ENO4: variants seen among roughly 807,000 people sequenced by gnomAD.
The protein encoded by ENO4 is enolase 4, also known as 2-phospho-D-glycerate hydro-lyase.
A neutral mutation model predicts 63.2 loss-of-function variants in ENO4; 53 were observed. The observed-to-expected ratio is 0.84, with a 90% CI of 0.67 to 1.05. ENO4 has a LOEUF of 1.05. ENO4 is among the 50% of genes least tolerant of loss of function. The probability of loss-of-function intolerance (pLI) is 0.00; values close to 1 mark genes in which losing one functional copy is unlikely to be tolerated. For synonymous variants in ENO4, 266 were observed against 283.8 expected (o/e 0.94, Z 0.63); for missense variants, 719 against 772.0 (o/e 0.93, Z 0.81).
intron 11 of ENO4, among the ~76,000 whole-genome samples, chr10:116,878,966 A>G (rs1846920050): frequency 6.6e-6 from 1 of 152,024 alleles, no homozygotes; most frequent in Non-Finnish European, 1.5e-5. Context: ...GATGGTCTCG[A>G]TCTCCTGACC....
downstream of ENO4, chr10:116,883,526 C>T (rs560907848): frequency 2.0e-5 from 3 of 152,158 alleles, no homozygotes; most frequent in Admixed American, 1.3e-4. Flanking sequence ...TGTTCCACAA[C>T]GAGTGTAACT....
intron 10 of ENO4, among the ~76,000 whole-genome samples, chr10:116,889,030 A>C (rs555232072): frequency 1.8e-4 from 27 of 152,364 alleles, no homozygotes; most frequent in African/African-American, 6.5e-4. Context: ...AACTGCTTTC[A>C]GCATGCAAAG....
intron 4 of ENO4, 54 bp from the exon 5 acceptor site, chr10:116,860,740 C>A: frequency 1.6e-6 from 2 of 1,219,002 alleles, no homozygotes; most frequent in Non-Finnish European, 2.1e-6. Context: ...GTCTTTCCAT[C>A]TGTAAGTAAA....
intron 10 of ENO4, among the ~76,000 whole-genome samples, chr10:116,889,634 G>C (rs865820924): frequency 6.6e-6 from 1 of 152,202 alleles, no homozygotes; most frequent in African/African-American, 2.4e-5. Context: ...ATCAGTGGCA[G>C]AGTCAGAACA....
chr10:116,853,313 A>AT (rs1564842907), intron 1 of ENO4, among the ~76,000 whole-genome samples: 1 of 151,626 alleles, frequency 6.6e-6, no homozygotes, highest in African/African-American at 2.4e-5. Context: ...AAAAAAAAAA[A>AT]ACCAAAGCAG....
chr10:116,876,057 T>G lies in ENO4; in HGVS notation c.1342-8T>G, dbSNP rs1247050547. On this transcript the variant is annotated splice_polypyrimidine_tract_variant and splice_region_variant and intron_variant, in intron 10 of 13. Coordinates refer to ENST00000341276, the MANE Select transcript of ENO4 (RefSeq NM_001242699.2). The stretch of plus-strand genomic sequence containing the variant: ...ATTATAATGATCAACTCTTAAATAT[T>G]TACCCAGGACTCTGAACAGTGGGAC... The G allele has an allele frequency of 1.8e-5, 27 of 1,513,740 alleles. No homozygotes were observed. The highest frequency in any genetic ancestry group is 6.9e-5 in the Admixed American group (3 of 43,266). The allele number at this position is 1,513,740 out of a possible 1,614,324, so 93.8% of individuals were successfully genotyped here.
intron 3 of ENO4, 110 bp from the exon 4 acceptor site, chr10:116,858,880 A>G (rs1846338765): frequency 1.8e-6 from 1 of 556,156 alleles, no homozygotes; most frequent in Non-Finnish European, 3.0e-6. Context: ...TAAGTAGCTG[A>G]AAAGCAGTTA....
At chr10:116,849,825 A>G in intron 1 of ENO4, 94 bp downstream of exon 1, 1 of 1,366,900 alleles carries the variant, frequency 7.3e-7, no homozygotes, top group Non-Finnish European at 9.9e-7. Flanking sequence ...GCGCCTCAGA[A>G]TCTCGCATGC....
rs534877743 is a variant in ENO4, at chr10:116,852,630, G to A, written c.165+2899G>A. ...TACAAACAGAGAGTTGATCAGTGCT[G>A]GCATATGGAAGCTTGTCCTCTTGGA... On this transcript the variant is annotated intron_variant, in intron 1 of 13. Coordinates refer to ENST00000341276, the MANE Select transcript of ENO4 (RefSeq NM_001242699.2). Among the ~76,000 whole-genome samples, 3 of 152,256 alleles carry A rather than the reference G, an allele frequency of 2.0e-5. No individual in the cohort carries two copies. In the South Asian group the frequency reaches 6.2e-4, roughly 32 times the overall value.
chr10:116,855,034 C>T (rs953415550), intron 1 of ENO4, among the ~76,000 whole-genome samples: 2 of 151,302 alleles, frequency 1.3e-5, no homozygotes, highest in Non-Finnish European at 2.9e-5. Flanking sequence ...CGCCTGCTAG[C>T]CTGTAATCCC....
chr10:116,871,124 GC>G lies in ENO4; in HGVS notation c.1048del (p.Gln350SerfsTer13). The G allele has an allele frequency of 6.5e-7, 1 of 1,549,872 alleles. No individual in the cohort carries two copies. The highest frequency in any genetic ancestry group is 8.7e-7 in the Non-Finnish European group (1 of 1,146,584). ...TGGATCATTGTCTCTTGATCTTGCA[GC>G]AGCAGATCACTGGCAAGATGTCTCA... ...KGHDGSKRGQ[Q>X]QITGKMSHLG... On this transcript the variant is annotated frameshift_variant and splice_region_variant, in exon 9 of 14. Transcript: ENST00000341276. LOFTEE classifies it high-confidence loss of function.
chr10:116,860,365 T>G (rs1161038503), intron 4 of ENO4, among the ~76,000 whole-genome samples: 1 of 152,168 alleles, frequency 6.6e-6, no homozygotes, highest in Non-Finnish European at 1.5e-5. Flanking sequence ...AAGTTAGATA[T>G]ATTCATGCAG....
chr10:116,898,098 T>A (rs1460638004), intron 10 of ENO4, among the ~76,000 whole-genome samples: 1 of 152,014 alleles, frequency 6.6e-6, no homozygotes, highest in Admixed American at 6.6e-5. Context: ...GAGGCTGAGG[T>A]GGGTGGATCA....
chr10:116,859,070 C>T lies in ENO4; in HGVS notation c.566C>T (p.Thr189Ile), dbSNP rs1473763648. ...AGCCTGGAATACTCAACAGTGCCTACACCTCTACCTCCAGTACCACCACCA... is the reference window on the plus strand; with the variant it reads ...AGCCTGGAATACTCAACAGTGCCTATACCTCTACCTCCAGTACCACCACCA... ...EKSLEYSTVP[T>I]PLPPVPPPPP... The change falls in exon 4 of 14, where the codon ACA becomes ATA. Residue 189 changes from threonine to isoleucine, a missense_variant. Thr to Ile is a moderately conservative substitution (Grantham distance 89). Coordinates refer to ENST00000341276, the MANE Select transcript of ENO4 (RefSeq NM_001242699.2). 4 of 1,535,350 alleles carry T rather than the reference C, an allele frequency of 2.6e-6. No homozygotes were observed. Among genetic ancestry groups the T allele is most frequent in the South Asian group, 2.4e-5 (2 of 84,010 alleles).
At chr10:116,856,842 A>T in intron 3 of ENO4, among the ~76,000 whole-genome samples, 160 bp downstream of exon 3, 1 of 152,164 alleles carries the variant, frequency 6.6e-6, no homozygotes, top group African/African-American at 2.4e-5. Context: ...ACAAAAAATT[A>T]GCCGGGCATG....
At position 116,871,238 on chromosome 10, in the gene ENO4, G is replaced by A. The variant is rs781348236; in HGVS notation, c.1161G>A (p.Leu387=). The change falls in exon 9 of 14, where the codon CTG becomes CTA. Residue 387 remains leucine (L), a synonymous_variant. Coordinates refer to ENST00000341276, the MANE Select transcript of ENO4 (RefSeq NM_001242699.2). ...QEICANLGLE[L]GTNLHLAINC... ...TCTGTGCCAACCTGGGGCTAGAACT[G>A]GGAACAAATCTGCATCTAGCTATCA... 1.4e-5 allele frequency: 21 copies of A among 1,550,308 alleles called. No individual in the cohort carries two copies. The highest frequency in any genetic ancestry group is 3.9e-5 in the Admixed American group (2 of 50,972).
At chr10:116,865,116 C>T (rs557286124) in intron 7 of ENO4, among the ~76,000 whole-genome samples, 33 of 144,098 alleles carry the variant, frequency 2.3e-4, no homozygotes, top group Non-Finnish European at 4.0e-4. Flanking sequence ...TACTTCTTTG[C>T]CCTTTTCACT....
Position 116,876,226 on chromosome 10 carries a change from G to A in ENO4, c.1503G>A (p.Met501Ile). 6.5e-7 allele frequency: 1 copy of A among 1,547,974 alleles called. No homozygotes were observed. Among genetic ancestry groups the A allele is most frequent in the African/African-American group, 1.4e-5 (1 of 72,992 alleles). ...TAAAACACACAAACCAAACTACAAT[G>A]TCTGACTTGGTGGAAATAACCAATC... is the stretch of plus-strand genomic sequence containing the variant. ...LIIKHTNQTT[M>I]SDLVEITNLI... The change falls in exon 11 of 14, where the codon ATG (methionine) becomes ATA (isoleucine). Residue 501 changes from methionine to isoleucine, a missense_variant. Around this residue, in one of 3 missense-constraint regions of ENO4, gnomAD observed 168 missense variants for 163.3 expected, o/e 1.03. Coordinates refer to ENST00000341276, the MANE Select transcript of ENO4 (RefSeq NM_001242699.2).
intron 10 of ENO4, among the ~76,000 whole-genome samples, chr10:116,896,702 C>T (rs1564863384): frequency 2.0e-5 from 3 of 152,012 alleles, no homozygotes; most frequent in South Asian, 2.1e-4. Flanking sequence ...ACCAGCAGAG[C>T]GGCTCCGAAG....
Sources: gnomAD v4.1 joint callset for allele counts (sites outside exome capture counted in the v4.1 genomes callset) on GRCh38, gnomAD v4.1.1 for gene constraint, gnomAD v4.1.1 regional missense constraint, MANE v1.5 for transcripts, NCBI Gene and HGNC (gene_info 2026-07-23, HGNC 2026-07-21) for gene names.